Variants in ZNF706 observed in about 807,000 individuals in gnomAD.
ZNF706 encodes the protein transcriptional regulator ZNF706.
In ZNF706, 4 loss-of-function variants were observed where a neutral mutation model predicts 9.2. That is an observed-to-expected ratio of 0.43 (90% CI 0.21 to 0.99). ZNF706 has a LOEUF of 0.99. Among genes scored for constraint, ZNF706 ranks in the 50% least tolerant of loss-of-function variants. The pLI is 0.26. For synonymous variants in ZNF706, 28 were observed against 27.3 expected (o/e 1.03, Z -0.08); for missense variants, 27 against 87.8 (o/e 0.31, Z 2.77).
At chr8:101,199,949 A>G in intron 3 of ZNF706, 41 bp downstream of exon 3, 1 of 1,423,276 alleles carries the variant, frequency 7.0e-7, no homozygotes, top group South Asian at 1.2e-5. Context: ...CTTGTATACA[A>G]CCCTGTTATT....
rs555865412 is a variant in ZNF706, at chr8:101,197,158, T to A, written c.*2094A>T. The stretch of plus-strand genomic sequence containing the variant: ...TCCATGTGAAGAGAATGGAAACAAG[T>A]TTAATCTTAACCCCATTCCTTTTGG... On this transcript the variant is annotated 3_prime_UTR_variant, in exon 4 of 4. Coordinates refer to ENST00000311212, the MANE Select transcript of ZNF706 (RefSeq NM_016096.5). 6.6e-6 allele frequency: 1 copy of A among 152,262 alleles called. No homozygotes were observed. Among genetic ancestry groups the A allele is most frequent in the South Asian group, 2.1e-4 (1 of 4,822 alleles). 9.4% of individuals were successfully genotyped at this position (152,262 alleles called of 1,614,324 possible).
At chr8:101,204,076 T>C (rs924843874) in intron 1 of ZNF706, 4 of 152,248 alleles carry the variant, frequency 2.6e-5, no homozygotes, top group African/African-American at 7.2e-5. Context: ...GTATTTTATG[T>C]ATCTTAATAC....
At chr8:101,199,623 A>G (rs6985578) in intron 3 of ZNF706, among the ~76,000 whole-genome samples, 2,096 of 152,324 alleles carry the variant, frequency 0.014, 39 homozygotes, top group African/African-American at 0.046. Flanking sequence ...GCTAAGTACT[A>G]TAAGTAAACT....
At chr8:101,206,196 A>C (rs968925368), upstream of ZNF706, 3 of 152,214 alleles carry the variant, frequency 2.0e-5, no homozygotes, top group Non-Finnish European at 4.4e-5. Flanking sequence ...CCCGGCCCCC[A>C]GCGAGCCCGG....
Position 101,201,823 on chromosome 8 carries a change from T to G in ZNF706, c.-2-80A>C. ...TCAAAGCATAAGAACGTTCTTAGAA[T>G]TGAAGCCTTAAGTTTTATAGAAATA... is the stretch of plus-strand genomic sequence containing the variant. On this transcript the variant is annotated intron_variant, in intron 1 of 3. Transcript: ENST00000311212. The surrounding 1 kb of genome is among the most constrained non-coding windows in gnomAD (Gnocchi z 4.5). 1 of 1,430,818 alleles carries G rather than the reference T, an allele frequency of 7.0e-7. No homozygotes were observed. The highest frequency in any genetic ancestry group is 1.3e-5 in the South Asian group (1 of 75,988). 88.6% of individuals were successfully genotyped at this position (1,430,818 alleles called of 1,614,324 possible). A position where few individuals can be genotyped will look rare whatever the true frequency, so the allele number is the denominator to read the frequency against.
chr8:101,201,397 T>G lies in ZNF706; in HGVS notation c.135+210A>C. ...CAATTTTGTTTTGTTCACTCTGTTTTCCCAGCACCTAGAGATTTTTGCCTG... is the reference window on the plus strand; with the variant it reads ...CAATTTTGTTTTGTTCACTCTGTTTGCCCAGCACCTAGAGATTTTTGCCTG... On this transcript the variant is annotated intron_variant, in intron 2 of 3. Transcript: ENST00000311212. This position sits in a 1 kb window ranked among gnomAD's most constrained non-coding sequence, Gnocchi z 4.5. 1.8e-6 allele frequency: 1 copy of G among 541,752 alleles called. No homozygotes were observed. Among genetic ancestry groups the G allele is most frequent in the South Asian group, 2.8e-5 (1 of 35,646 alleles). 33.6% of individuals were successfully genotyped at this position (541,752 alleles called of 1,614,324 possible). A position where few individuals can be genotyped will look rare whatever the true frequency, so the allele number is the denominator to read the frequency against.
rs1269749221 is a variant in ZNF706 at position 101,205,561 on chromosome 8, G to T, written c.-129C>A. On this transcript the variant is annotated 5_prime_UTR_variant, in exon 1 of 4. Transcript: ENST00000311212. The surrounding 1 kb of genome is among the most constrained non-coding windows in gnomAD (Gnocchi z 6.6). ...GGCCTCCTCCACCCGCTCAGGAGGG[G>T]AAACACGAGAGCCGGGAGCACAACA... The T allele has an allele frequency of 3.7e-5, 6 of 162,748 alleles. No individual in the cohort carries two copies. Among genetic ancestry groups the T allele is most frequent in the Non-Finnish European group, 7.9e-5 (6 of 75,812 alleles). 10.1% of individuals were successfully genotyped at this position (162,748 alleles called of 1,614,324 possible).
intron 3 of ZNF706, among the ~76,000 whole-genome samples, 187 bp downstream of exon 3, chr8:101,199,803 T>C (rs1040323883): frequency 6.6e-6 from 1 of 152,212 alleles, no homozygotes; most frequent in African/African-American, 2.4e-5. Flanking sequence ...AGTAAAAATT[T>C]GGATGTTTCA....
In ZNF706 at chr8:101,205,131, C is replaced by T. The variant is rs538248602; in HGVS notation, c.-3+304G>A. On this transcript the variant is annotated intron_variant, in intron 1 of 3. Transcript: ENST00000311212. This position sits in a 1 kb window ranked among gnomAD's most constrained non-coding sequence, Gnocchi z 6.6. ...ACGCGCCTCCTGGAGGCCGAGACTG[C>T]CCGAAACCCGGCCCCTGCGTCCACC... 4.0e-4 allele frequency: 69 copies of T among 171,586 alleles called. 1 individual carries two copies. The highest frequency in any genetic ancestry group is 6.1e-4 in the Non-Finnish European group (52 of 85,860). 10.6% of individuals were successfully genotyped at this position (171,586 alleles called of 1,614,324 possible).
At position 101,201,685 on chromosome 8, in the gene ZNF706, A is replaced by T. The variant is rs748808176; in HGVS notation, c.57T>A (p.Ala19=). The T allele has an allele frequency of 1.2e-5, 20 of 1,613,722 alleles. 1 individual carries two copies. In the South Asian group the frequency reaches 1.8e-4, roughly 14 times the overall value. The change falls in exon 2 of 4, where the codon GCT becomes GCA. Residue 19 remains alanine, a synonymous_variant. Transcript: ENST00000311212. The surrounding 1 kb of genome is among the most constrained non-coding windows in gnomAD (Gnocchi z 4.5). ...QSQQKNAKKQ[A]GQKKKQGHDQ... is the part of the protein sequence containing the mutation. ...CATGTCCTTGTTTCTTCTTTTGTCC[A>T]GCTTGCTTTTTGGCATTTTTCTGCT... is the stretch of plus-strand genomic sequence containing the variant.
At chr8:101,203,677 G>A (rs937393039) in intron 1 of ZNF706, 44 of 152,038 alleles carry the variant, frequency 2.9e-4, no homozygotes, top group African/African-American at 1.1e-3. Flanking sequence ...GGTAGCACAC[G>A]AGCCTAATAC....
chr8:101,200,134 T>C lies in ZNF706; in HGVS notation c.136-37A>G. On this transcript the variant is annotated intron_variant, in intron 2 of 3. Transcript: ENST00000311212. The stretch of plus-strand genomic sequence containing the variant: ...TTGTGCAAAAGAGAGCTAGACTTTA[T>C]TTATAAAATAAAAATGTGTTACTTT... 3.3e-6 allele frequency: 5 copies of C among 1,510,582 alleles called. No individual in the cohort carries two copies. In the South Asian group the frequency reaches 5.7e-5, roughly 17 times the overall value. The allele number at this position is 1,510,582 out of a possible 1,614,324, so 93.6% of individuals were successfully genotyped here.
At position 101,201,750 on chromosome 8, in the gene ZNF706, A is replaced by G. The variant is rs756737333; in HGVS notation, c.-2-7T>C. On this transcript the variant is annotated splice_polypyrimidine_tract_variant and splice_region_variant and intron_variant, in intron 1 of 3. Coordinates refer to ENST00000311212, the MANE Select transcript of ZNF706 (RefSeq NM_016096.5). The surrounding 1 kb of genome is among the most constrained non-coding windows in gnomAD (Gnocchi z 4.5). ...TGCTGTCCACGAGCCATATCTAAAA[A>G]CAGAAGGTGAAGCATTAGAGTGGCT... The G allele has an allele frequency of 1.1e-5, 18 of 1,613,674 alleles. No individual in the cohort carries two copies. The highest frequency in any genetic ancestry group is 1.5e-5 in the Non-Finnish European group (18 of 1,179,952).
chr8:101,202,971 T>A (rs888444320), intron 1 of ZNF706: 3 of 152,220 alleles, frequency 2.0e-5, no homozygotes, highest in Non-Finnish European at 4.4e-5. Context: ...TTAATTTTTT[T>A]AAAAAGTTGG....
At chr8:101,199,339 T>C (rs1039279363) in intron 3 of ZNF706, 100 bp from the exon 4 acceptor site, 1 of 667,270 alleles carries the variant, frequency 1.5e-6, no homozygotes, top group South Asian at 1.6e-5. Context: ...GAAGATAATA[T>C]CTGGTAAACT....
rs1393959193 is a variant in ZNF706 at position 101,205,366 on chromosome 8, C to G, written c.-3+69G>C. ...CGAGTCCCACGGTCCCCACCGCCCC[C>G]CGCTGGCCGGCCCCCGCCCCGTTTC... On this transcript the variant is annotated intron_variant, in intron 1 of 3. Transcript: ENST00000311212. The surrounding 1 kb of genome is among the most constrained non-coding windows in gnomAD (Gnocchi z 6.6). 6 of 151,664 alleles carry G rather than the reference C, an allele frequency of 4.0e-5. No homozygotes were observed. Among genetic ancestry groups the G allele is most frequent in the South Asian group, 4.1e-4 (2 of 4,834 alleles). 9.4% of individuals were successfully genotyped at this position (151,664 alleles called of 1,614,324 possible).
rs983662193 is a variant in ZNF706, at chr8:101,205,091, G to C, written c.-3+344C>G. The C allele has an allele frequency of 3.7e-6, 1 of 273,324 alleles. No homozygotes were observed. Among genetic ancestry groups the C allele is most frequent in the Non-Finnish European group, 5.6e-6 (1 of 179,066 alleles). 16.9% of individuals were successfully genotyped at this position (273,324 alleles called of 1,614,324 possible). On this transcript the variant is annotated intron_variant, in intron 1 of 3. Coordinates refer to ENST00000311212, the MANE Select transcript of ZNF706 (RefSeq NM_016096.5). This position sits in a 1 kb window ranked among gnomAD's most constrained non-coding sequence, Gnocchi z 6.6. Reference sequence around the variant, plus strand: ...CAGCCCCCATCTAGCCAGTCCTCACGGACCCTGGACCAAGACGCGCCTCCT... The same window carrying C: ...CAGCCCCCATCTAGCCAGTCCTCACCGACCCTGGACCAAGACGCGCCTCCT...
intron 2 of ZNF706, 134 bp from the exon 3 acceptor site, chr8:101,200,231 T>C: frequency 1.5e-6 from 1 of 649,954 alleles, no homozygotes; most frequent in South Asian, 1.9e-5. Context: ...ACTTAGTGAC[T>C]GGCATATGAA....
chr8:101,197,208 A>C lies in ZNF706; in HGVS notation c.*2044T>G, dbSNP rs1283777025. 1 of 152,176 alleles carries C rather than the reference A, an allele frequency of 6.6e-6. No homozygotes were observed. The highest frequency in any genetic ancestry group is 1.5e-5 in the Non-Finnish European group (1 of 68,028). 9.4% of individuals were successfully genotyped at this position (152,176 alleles called of 1,614,324 possible). ...GCAAGTAATAGAAATACAGCATACA[A>C]ATGGACCAATTCTCTCTCAGTGTTA... On this transcript the variant is annotated 3_prime_UTR_variant, in exon 4 of 4. Transcript: ENST00000311212.
Sources: gnomAD v4.1 joint callset for allele counts (sites outside exome capture counted in the v4.1 genomes callset) on GRCh38, gnomAD v4.1.1 for gene constraint, Gnocchi (gnomAD v3.1) non-coding constraint, MANE v1.5 for transcripts, NCBI Gene and HGNC (gene_info 2026-07-23, HGNC 2026-07-21) for gene names.